The following CCSER1 variants were observed in gnomAD, a reference collection of about 807,000 sequenced individuals.
CCSER1 encodes coiled-coil serine rich protein 1.
CCSER1 carries 41 observed loss-of-function variants against 82.0 expected under a neutral mutation model. The observed-to-expected ratio is 0.50, with a 90% confidence interval of 0.39 to 0.65. The LOEUF (loss-of-function observed/expected upper bound fraction) is 0.65, where lower values mean the gene tolerates loss of function less well. Ranked by LOEUF, CCSER1 falls within the 30% of genes least tolerant of loss-of-function variation. The probability of loss-of-function intolerance (pLI) is 0.00; values close to 1 mark genes in which losing one functional copy is unlikely to be tolerated. For missense variants in CCSER1, 1,119 were observed against 1,064.2 expected, an observed-to-expected ratio of 1.05 and a Z score of -0.72; for synonymous variants, 414 against 383.9, an observed-to-expected ratio of 1.08 and a Z score of -0.92.
At chr4:90,273,697 A>C (rs951685155) in intron 1 of CCSER1, among the ~76,000 whole-genome samples, 5 of 152,106 alleles carry the variant, frequency 3.3e-5, no homozygotes, top group Non-Finnish European at 7.4e-5. Context: ...ACACATTCTG[A>C]GGTCAATCTC....
chr4:90,555,218 A>G (rs763694610), intron 5 of CCSER1, among the ~76,000 whole-genome samples: 29 of 152,170 alleles, frequency 1.9e-4, no homozygotes, highest in Non-Finnish European at 3.7e-4. Context: ...GTTTCTTGAT[A>G]AAATACAGAT....
chr4:90,232,532 C>T (rs1744812989), intron 1 of CCSER1, among the ~76,000 whole-genome samples: 1 of 150,772 alleles, frequency 6.6e-6, no homozygotes, highest in Non-Finnish European at 1.5e-5. Context: ...AGAAGAAAAC[C>T]TAGGCAGTAC....
chr4:91,117,563 C>A lies in CCSER1; in HGVS notation c.2217+31569C>A, dbSNP rs74714266. ...TTCAATGAAGTTCATAAGAAGAAACCAAAACCATCTTTTAAAAATGTATTA... is the reference window on the plus strand; with the variant it reads ...TTCAATGAAGTTCATAAGAAGAAACAAAAACCATCTTTTAAAAATGTATTA... On this transcript the variant is annotated intron_variant, in intron 10 of 10. Coordinates refer to ENST00000509176, the MANE Select transcript of CCSER1 (RefSeq NM_001145065.2). 5.1e-3 allele frequency among the ~76,000 whole-genome samples: 780 copies of A among 152,182 alleles called. 1 individual carries two copies. Among genetic ancestry groups the A allele is most frequent in the Middle Eastern group, 0.01 (3 of 294 alleles).
In CCSER1 at chr4:90,734,091, A is replaced by G. The variant is rs142807901; in HGVS notation, c.2010+10100A>G. Among the ~76,000 whole-genome samples the G allele has an allele frequency of 4.8e-4, 72 of 151,140 alleles. 1 individual carries two copies. The East Asian group carries it at 0.011, about 24-fold the overall frequency. On this transcript the variant is annotated intron_variant, in intron 7 of 10. Coordinates refer to ENST00000509176, the MANE Select transcript of CCSER1 (RefSeq NM_001145065.2). ...ACGTCAATTTAATCTATAGATTGCT[A>G]TTTTTATTTTTATTTTTATTAATTT...
chr4:91,573,515 G>A lies in CCSER1; in HGVS notation c.2218-25057G>A, dbSNP rs1560773791. On this transcript the variant is annotated intron_variant, in intron 10 of 10. Coordinates refer to ENST00000509176, the MANE Select transcript of CCSER1 (RefSeq NM_001145065.2). ...ATAGCTCTGTCAGATTGAAGGCCCT[G>A]GTGGAGTGCAGTGGGTTCACAAGGA... 2.0e-5 allele frequency among the ~76,000 whole-genome samples: 3 copies of A among 152,278 alleles called. No homozygotes were observed. The South Asian group carries it at 6.2e-4, about 32-fold the overall frequency.
chr4:90,989,807 CTT>C (rs1446813102), intron 9 of CCSER1, among the ~76,000 whole-genome samples: 2 of 151,058 alleles, frequency 1.3e-5, no homozygotes, highest in African/African-American at 4.9e-5. Flanking sequence ...AAAAGCAAGT[CTT>C]ATATTTGACA....
At chr4:90,865,380 G>T (rs1223811186) in intron 8 of CCSER1, among the ~76,000 whole-genome samples, 1 of 151,932 alleles carries the variant, frequency 6.6e-6, no homozygotes, top group African/African-American at 2.4e-5. Context: ...AGTCAGAGGT[G>T]ACCTTTTGAG....
chr4:91,079,967 G>A (rs1257504071), intron 9 of CCSER1, among the ~76,000 whole-genome samples: 1 of 152,040 alleles, frequency 6.6e-6, no homozygotes, highest in Non-Finnish European at 1.5e-5. Context: ...CAATAATAAT[G>A]GCAGACTTTA....
intron 9 of CCSER1, among the ~76,000 whole-genome samples, chr4:90,938,264 A>G (rs1168822075): frequency 1.3e-5 from 2 of 152,096 alleles, no homozygotes; most frequent in Non-Finnish European, 2.9e-5. Flanking sequence ...TACGGGTTGC[A>G]AAAATACTAG....
chr4:91,193,008 G>A (rs896364965), intron 10 of CCSER1, among the ~76,000 whole-genome samples: 11 of 151,834 alleles, frequency 7.2e-5, no homozygotes, highest in African/African-American at 2.2e-4. Context: ...CTTTGTCTAC[G>A]ATCCTTCCTC....
intron 10 of CCSER1, among the ~76,000 whole-genome samples, chr4:91,428,163 A>G (rs1384427876): frequency 1.3e-5 from 2 of 152,066 alleles, no homozygotes; most frequent in Non-Finnish European, 1.5e-5. Flanking sequence ...AATCTTGGCT[A>G]TAGCATTTTA....
chr4:90,318,266 T>C (rs1259276405), intron 3 of CCSER1, among the ~76,000 whole-genome samples: 2 of 152,244 alleles, frequency 1.3e-5, no homozygotes. Flanking sequence ...AGTTTACTTT[T>C]TTCCTTGACT....
At chr4:90,142,754 T>C (rs1017721988) in intron 1 of CCSER1, among the ~76,000 whole-genome samples, 1 of 152,164 alleles carries the variant, frequency 6.6e-6, no homozygotes, top group African/African-American at 2.4e-5. Flanking sequence ...ATGTATTCTC[T>C]GTATTATTTC....
At chr4:91,453,384 A>AT in intron 10 of CCSER1, among the ~76,000 whole-genome samples, 1 of 152,112 alleles carries the variant, frequency 6.6e-6, no homozygotes. Flanking sequence ...CAGCCAGGTC[A>AT]TTTGTATCTC....
intron 10 of CCSER1, among the ~76,000 whole-genome samples, chr4:91,482,447 G>A (rs1347089694): frequency 4.7e-5 from 7 of 148,546 alleles, no homozygotes; most frequent in African/African-American, 1.7e-4. Flanking sequence ...GGAAACAACA[G>A]GTGCTGGAGA....
rs577693961 is a variant in CCSER1, at chr4:90,222,838, T to C, written c.-41-85406T>C. Among the ~76,000 whole-genome samples the C allele has an allele frequency of 4.3e-4, 65 of 152,322 alleles. 1 individual carries two copies. Among genetic ancestry groups the C allele is most frequent in the African/African-American group, 1.6e-3 (65 of 41,582 alleles). On this transcript the variant is annotated intron_variant, in intron 1 of 10. Transcript: ENST00000509176. ...TATGCAGTTTTACATGCAGAGTTTC[T>C]GTGAACCCTTTGCCAATTTCCCCCA...
chr4:90,991,195 G>T (rs1340483177), intron 9 of CCSER1, among the ~76,000 whole-genome samples: 1 of 150,950 alleles, frequency 6.6e-6, no homozygotes. Flanking sequence ...CTATTTCTTT[G>T]GGTTCTTCTC....
At chr4:91,424,223 T>C (rs547214157) in intron 10 of CCSER1, among the ~76,000 whole-genome samples, 216 of 151,070 alleles carry the variant, frequency 1.4e-3, no homozygotes, top group Middle Eastern at 3.4e-3. Flanking sequence ...TTCACCTTGT[T>C]AGCCAGGATG....
chr4:90,688,337 ATGCATGGTGTT>A (rs1158807305), intron 6 of CCSER1, among the ~76,000 whole-genome samples: 2 of 152,114 alleles, frequency 1.3e-5, no homozygotes, highest in Non-Finnish European at 2.9e-5. Context: ...GCATGCATGT[ATGCATGGTGTT>A]TTCCTGAAAA....
Sources: allele counts gnomAD v4.1 joint callset (sites outside exome capture counted in the v4.1 genomes callset), GRCh38; gene constraint gnomAD v4.1.1; transcripts MANE v1.5; gene names NCBI Gene and HGNC (gene_info 2026-07-23, HGNC 2026-07-21).